The following SNAP47 variants were observed in gnomAD, a reference collection of about 807,000 sequenced individuals.
SNAP47 encodes the protein synaptosomal-associated protein 47.
SNAP47 carries 20 observed loss-of-function variants against 31.4 expected under a neutral mutation model. That is an observed-to-expected ratio of 0.64 (90% CI 0.45 to 0.93). The LOEUF (loss-of-function observed/expected upper bound fraction) is 0.93, where lower values mean the gene tolerates loss of function less well. Among genes scored for constraint, SNAP47 ranks in the 40% least tolerant of loss-of-function variants. SNAP47 has a pLI of 0.00. For synonymous variants in SNAP47, 194 were observed against 213.4 expected, an observed-to-expected ratio of 0.91 and a Z score of 0.79; for missense variants, 492 against 528.5, an observed-to-expected ratio of 0.93 and a Z score of 0.68.
At chr1:227,737,585 T>C (rs1661308034) in intron 1 of SNAP47, among the ~76,000 whole-genome samples, 3 of 152,162 alleles carry the variant, frequency 2.0e-5, no homozygotes, top group African/African-American at 4.8e-5. Context: ...TTATTTACTC[T>C]TATAAGTGGG....
Position 227,747,989 on chromosome 1 carries a change from C to T in SNAP47, c.253C>T (p.Pro85Ser), listed in dbSNP as rs1373944786. ...HAKHWFSSLRPSRNVVFSIIE... is the reference protein window; with the variant it reads ...HAKHWFSSLRSSRNVVFSIIE... Reference sequence around the variant, plus strand: ...CAAGCACTGGTTCAGCTCCCTGCGGCCAAGTCGAAATGTGGTCTTCAGCAT... The same window carrying T: ...CAAGCACTGGTTCAGCTCCCTGCGGTCAAGTCGAAATGTGGTCTTCAGCAT... The change falls in exon 2 of 5, where the codon CCA becomes TCA. Residue 85 changes from proline (P) to serine (S), a missense_variant. Coordinates refer to ENST00000617596, the MANE Select transcript of SNAP47 (RefSeq NM_053052.4). 6.2e-7 allele frequency: 1 copy of T among 1,614,238 alleles called. No homozygotes were observed. The highest frequency in any genetic ancestry group is 1.7e-5 in the Admixed American group (1 of 60,026).
At chr1:227,735,086 T>C (rs1222691853), upstream of SNAP47, 1 of 1,571,840 alleles carries the variant, frequency 6.4e-7, no homozygotes, top group Non-Finnish European at 8.6e-7. Context: ...GCCCCAGCCC[T>C]GCGTGAAGGC....
Position 227,759,414 on chromosome 1 carries a change from A to G in SNAP47, c.917A>G (p.Glu306Gly). Residue 306 changes from glutamate to glycine, a missense_variant, in exon 3 of 5, where the codon GAA becomes GGA. Glu to Gly is a moderately conservative substitution (Grantham distance 98, BLOSUM62 -2). Transcript: ENST00000617596. ...VQFSKKMELL[E>G]DALVLRSART... The stretch of plus-strand genomic sequence containing the variant: ...TTCAGCAAGAAGATGGAGCTGTTAG[A>G]AGATGCATTGGTGCTCAGAAGCGCA... 6.2e-7 allele frequency: 1 copy of G among 1,614,236 alleles called. No individual in the cohort carries two copies. Among genetic ancestry groups the G allele is most frequent in the Non-Finnish European group, 8.5e-7 (1 of 1,180,038 alleles).
intron 4 of SNAP47, among the ~76,000 whole-genome samples, chr1:227,771,944 C>T (rs961363215): frequency 6.6e-6 from 1 of 152,146 alleles, no homozygotes; most frequent in African/African-American, 2.4e-5. Context: ...AGGCCAGCAC[C>T]TGACAAGCCC....
At chr1:227,742,066 C>T (rs79918446) in intron 1 of SNAP47, among the ~76,000 whole-genome samples, 6 of 150,018 alleles carry the variant, frequency 4.0e-5, no homozygotes, top group African/African-American at 9.8e-5. Flanking sequence ...TTTTAGGGTA[C>T]GTGTGCACAA....
chr1:227,750,559 G>A (rs899448496), intron 2 of SNAP47, among the ~76,000 whole-genome samples: 4 of 152,202 alleles, frequency 2.6e-5, no homozygotes, highest in African/African-American at 4.8e-5. Flanking sequence ...CTGCCCTCCC[G>A]CCTGTGGGGT....
intron 1 of SNAP47, among the ~76,000 whole-genome samples, chr1:227,737,372 G>T (rs1296027380): frequency 1.3e-5 from 2 of 152,228 alleles, no homozygotes; most frequent in Non-Finnish European, 2.9e-5. Context: ...CCAGAGAAAT[G>T]AGAGGCAGCT....
In SNAP47 at chr1:227,748,222, G is replaced by A; in HGVS notation, c.486G>A (p.Glu162=). 6.3e-7 allele frequency: 1 copy of A among 1,584,350 alleles called. No homozygotes were observed. The highest frequency in any genetic ancestry group is 8.6e-7 in the Non-Finnish European group (1 of 1,165,144). The part of the protein sequence containing the change: ...RGLDKMESDL[E]VADRLLTELE... ...TGGACAAGATGGAGTCAGACCTGGAGGTGGCGGACAGGTGGGCTTGCTGTG... is the reference window on the plus strand; with the variant it reads ...TGGACAAGATGGAGTCAGACCTGGAAGTGGCGGACAGGTGGGCTTGCTGTG... The change falls in exon 2 of 5, where the codon GAG becomes GAA. Residue 162 remains glutamate (E), a synonymous_variant. Transcript: ENST00000617596.
chr1:227,759,575 C>T (rs562628133), intron 3 of SNAP47, 90 bp downstream of exon 3: 468 of 1,515,956 alleles, frequency 3.1e-4, no homozygotes, highest in Middle Eastern at 2.7e-3. Context: ...CTAACAGATG[C>T]GTCACCTAGA....
upstream of SNAP47, chr1:227,733,143 C>G: frequency 8.6e-7 from 1 of 1,162,014 alleles, no homozygotes; most frequent in Non-Finnish European, 1.2e-6. Context: ...CCAAGAGGGC[C>G]CTCCTGTCTC....
At chr1:227,734,712 T>C (rs200622561), upstream of SNAP47, 5 of 1,614,176 alleles carry the variant, frequency 3.1e-6, no homozygotes, top group East Asian at 2.2e-5. Flanking sequence ...CCCGCCTGTA[T>C]GTACTCTTTC....
chr1:227,732,492 T>A, upstream of SNAP47: 1 of 1,613,304 alleles, frequency 6.2e-7, no homozygotes, highest in African/African-American at 1.3e-5. Flanking sequence ...GAAGTCGGGG[T>A]GCGCAACCAA....
At chr1:227,775,026 G>A (rs1047994639) in intron 4 of SNAP47, among the ~76,000 whole-genome samples, 4 of 152,184 alleles carry the variant, frequency 2.6e-5, no homozygotes, top group Non-Finnish European at 2.9e-5. Context: ...CGAGGCCGCC[G>A]TGCTCATTGC....
chr1:227,760,821 A>G (rs1663011481), intron 3 of SNAP47, among the ~76,000 whole-genome samples: 1 of 152,360 alleles, frequency 6.6e-6, no homozygotes, highest in South Asian at 2.1e-4. Flanking sequence ...ATCCTAGTCC[A>G]TCAGCCTTGG....
Position 227,759,396 on chromosome 1 carries a change from A to G in SNAP47, c.899A>G (p.Lys300Arg). 6.2e-7 allele frequency: 1 copy of G among 1,614,242 alleles called. No homozygotes were observed. The highest frequency in any genetic ancestry group is 8.5e-7 in the Non-Finnish European group (1 of 1,180,044). Residue 300 changes from lysine (K) to arginine (R), a missense_variant, in exon 3 of 5, where the codon AAG becomes AGG. Coordinates refer to ENST00000617596, the MANE Select transcript of SNAP47 (RefSeq NM_053052.4). ...VIPILEVQFSKKMELLEDALV... is the reference protein window; with the variant it reads ...VIPILEVQFSRKMELLEDALV... ...CCCATTTTAGAAGTGCAGTTCAGCA[A>G]GAAGATGGAGCTGTTAGAAGATGCA...
At chr1:227,734,421 G>A, upstream of SNAP47, 1 of 458,576 alleles carries the variant, frequency 2.2e-6, no homozygotes, top group Non-Finnish European at 3.8e-6. Context: ...GTACTAGGGA[G>A]GCTGAGGAGA....
Position 227,780,710 on chromosome 1 carries a change from C to T in SNAP47, c.*37C>T. 1 of 1,611,766 alleles carries T rather than the reference C, an allele frequency of 6.2e-7. No individual in the cohort carries two copies. Among genetic ancestry groups the T allele is most frequent in the South Asian group, 1.1e-5 (1 of 90,936 alleles). On this transcript the variant is annotated 3_prime_UTR_variant, in exon 5 of 5. Coordinates refer to ENST00000617596, the MANE Select transcript of SNAP47 (RefSeq NM_053052.4). ...CCCTGCATTCCTGTCTCACCCTGCACATCCCGCTGAGATGGAGGGCTGGGC... is the reference window on the plus strand; with the variant it reads ...CCCTGCATTCCTGTCTCACCCTGCATATCCCGCTGAGATGGAGGGCTGGGC...
chr1:227,729,307 G>A (rs1215848248), intron 1 of SNAP47, among the ~76,000 whole-genome samples: 1 of 152,186 alleles, frequency 6.6e-6, no homozygotes, highest in Non-Finnish European at 1.5e-5. Flanking sequence ...ACAGACAACA[G>A]GACACTGGAC....
At chr1:227,766,343 C>A (rs1189642933) in intron 3 of SNAP47, among the ~76,000 whole-genome samples, 2 of 152,234 alleles carry the variant, frequency 1.3e-5, no homozygotes, top group Non-Finnish European at 2.9e-5. Context: ...TGAAGCTGCT[C>A]TGTAAATAAA....
Sources: allele counts gnomAD v4.1 joint callset (sites outside exome capture counted in the v4.1 genomes callset), GRCh38; gene constraint gnomAD v4.1.1; transcripts MANE v1.5; gene names NCBI Gene and HGNC (gene_info 2026-07-23, HGNC 2026-07-21).